The following KALRN variants were observed in gnomAD, a reference collection of about 807,000 sequenced individuals.
KALRN encodes kalirin.
KALRN carries 70 observed loss-of-function variants against 353.7 expected under a neutral mutation model. That is an observed-to-expected ratio of 0.20 (90% confidence interval 0.16 to 0.24). The LOEUF (loss-of-function observed/expected upper bound fraction) is 0.24, where lower values mean the gene tolerates loss of function less well. Among genes scored for constraint, KALRN ranks in the 10% least tolerant of loss-of-function variants. KALRN has a pLI of 1.00. For synonymous variants in KALRN, 1,391 were observed against 1,434.8 expected (o/e 0.97, Z 0.69); for missense variants, 2,791 against 3,756.7 (o/e 0.74, Z 6.72).
intron 33 of KALRN, among the ~76,000 whole-genome samples, chr3:124,546,290 C>CAAA (rs5852410): frequency 1.7e-5 from 2 of 114,672 alleles, no homozygotes; most frequent in African/African-American, 3.2e-5. Flanking sequence ...CCCCATCTCT[C>CAAA]AAAAAAAAAA....
chr3:124,414,526 G>C (rs188746282), intron 14 of KALRN, among the ~76,000 whole-genome samples: 5 of 152,290 alleles, frequency 3.3e-5, no homozygotes, highest in African/African-American at 7.2e-5. Context: ...AAACACGGCT[G>C]AGTTACTCAG....
At chr3:124,035,880 A>G (rs1262606595) in intron 1 of KALRN, among the ~76,000 whole-genome samples, 1 of 152,168 alleles carries the variant, frequency 6.6e-6, no homozygotes, top group Non-Finnish European at 1.5e-5. Flanking sequence ...GAGAAAGGTT[A>G]AGTCATTGGT....
chr3:124,595,861 G>A (rs1437255482), intron 34 of KALRN, among the ~76,000 whole-genome samples: 1 of 152,128 alleles, frequency 6.6e-6, no homozygotes, highest in Admixed American at 6.5e-5. Flanking sequence ...ATAAGCGAAT[G>A]CCTTTAATTC....
intron 40 of KALRN, 46 bp downstream of exon 40, chr3:124,657,597 G>T (rs374018144): frequency 6.7e-7 from 1 of 1,495,936 alleles, no homozygotes; most frequent in African/African-American, 1.4e-5. Context: ...TGGGAATCCA[G>T]GACTTGAGTC....
intron 9 of KALRN, among the ~76,000 whole-genome samples, chr3:124,339,806 A>C (rs1354688481): frequency 6.6e-6 from 1 of 152,188 alleles, no homozygotes; most frequent in East Asian, 1.9e-4. Flanking sequence ...ATAATTCTTT[A>C]GTTTACCTAA....
intron 3 of KALRN, among the ~76,000 whole-genome samples, chr3:124,250,290 C>G (rs897739102): frequency 1.3e-5 from 2 of 152,170 alleles, no homozygotes; most frequent in African/African-American, 4.8e-5. Flanking sequence ...GCCAGGAAAC[C>G]AGAGCCCAGC....
intron 10 of KALRN, among the ~76,000 whole-genome samples, chr3:124,359,740 T>A (rs2083810168): frequency 6.6e-6 from 1 of 152,224 alleles, no homozygotes; most frequent in Non-Finnish European, 1.5e-5. Flanking sequence ...GCTCCATAAA[T>A]GGCGGTCTCT....
At chr3:124,211,101 G>A (rs2076861712) in intron 1 of KALRN, among the ~76,000 whole-genome samples, 1 of 152,192 alleles carries the variant, frequency 6.6e-6, no homozygotes, top group Non-Finnish European at 1.5e-5. Context: ...GGTTTGTACA[G>A]CTGAGCCCAG....
intron 26 of KALRN, among the ~76,000 whole-genome samples, chr3:124,476,629 ATT>A (rs1322942571): frequency 6.6e-6 from 1 of 152,014 alleles, no homozygotes; most frequent in Non-Finnish European, 1.5e-5. Context: ...AGAGTCTTGA[ATT>A]TTCACCCAGC....
chr3:124,508,971 G>A (rs758095638), intron 33 of KALRN, among the ~76,000 whole-genome samples: 4 of 152,064 alleles, frequency 2.6e-5, no homozygotes, highest in Non-Finnish European at 5.9e-5. Flanking sequence ...AATGTCCCTG[G>A]TTCAAGCTTT....
chr3:124,562,913 T>A lies in KALRN; in HGVS notation c.5006T>A (p.Ile1669Asn). Residue 1669 changes from isoleucine to asparagine, a missense_variant, in exon 34 of 60, where the codon ATC (isoleucine) becomes AAC (asparagine). Coordinates refer to ENST00000682506, the MANE Select transcript of KALRN (RefSeq NM_001388419.1). ...GCGGGCCACAGCAGTGAGCTGACCA[T>A]CCAGGTGGGGCAGACGGTAGAGCTG... is the stretch of plus-strand genomic sequence containing the variant. Reference protein sequence around the residue: ...FSAGHSSELTIQVGQTVELLE... With the variant: ...FSAGHSSELTNQVGQTVELLE... 1 of 1,367,878 alleles carries A rather than the reference T, an allele frequency of 7.3e-7. No homozygotes were observed. The highest frequency in any genetic ancestry group is 9.8e-7 in the Non-Finnish European group (1 of 1,021,986). 84.7% of individuals were successfully genotyped at this position (1,367,878 alleles called of 1,614,324 possible). A position where few individuals can be genotyped will look rare whatever the true frequency, so the allele number is the denominator to read the frequency against.
At position 124,438,959 on chromosome 3, in the gene KALRN, G is replaced by A. The variant is rs2289837; in HGVS notation, c.3120G>A (p.Lys1040=). The A allele has an allele frequency of 0.014, 22,516 of 1,614,080 alleles. 305 individuals are homozygous for A. Among genetic ancestry groups the A allele is most frequent in the East Asian group, 0.082 (3,677 of 44,856 alleles). The change falls in exon 18 of 60, where the codon AAG becomes AAA. Residue 1040 remains lysine (K), a synonymous_variant. Transcript: ENST00000682506. ...RDEDWCGGRD[K]LGPAAEIDHV... ...AGGACTGGTGTGGTGGACGAGATAAGCTGGGGCCAGCAGCAGAGATCGACC... is the reference window on the plus strand; with the variant it reads ...AGGACTGGTGTGGTGGACGAGATAAACTGGGGCCAGCAGCAGAGATCGACC...
chr3:124,718,380 C>T (rs1357656122), intron 59 of KALRN, among the ~76,000 whole-genome samples: 1 of 152,152 alleles, frequency 6.6e-6, no homozygotes, highest in African/African-American at 2.4e-5. Context: ...CTTGGCCACC[C>T]AAAGTGCTGG....
chr3:124,133,305 A>G (rs1406395172), intron 1 of KALRN, among the ~76,000 whole-genome samples: 1 of 152,160 alleles, frequency 6.6e-6, no homozygotes, highest in East Asian at 1.9e-4. Context: ...ATTTTAGTTT[A>G]AAAAACAAAA....
At position 124,215,881 on chromosome 3, in the gene KALRN, G is replaced by C. The variant is rs74844911; in HGVS notation, c.74-12109G>C. On this transcript the variant is annotated intron_variant, in intron 1 of 59. Coordinates refer to ENST00000682506, the MANE Select transcript of KALRN (RefSeq NM_001388419.1). ...GAAACCTTATCCTGCCATTATCCAG[G>C]CTCCAGCAGATCTTGTTAAACATGT... 9.0e-4 allele frequency among the ~76,000 whole-genome samples: 137 copies of C among 152,272 alleles called. No homozygotes were observed. In the East Asian group the frequency reaches 0.015, roughly 17 times the overall value.
intron 23 of KALRN, 77 bp from the exon 24 acceptor site, chr3:124,461,813 G>C: frequency 2.0e-6 from 2 of 993,356 alleles, no homozygotes; most frequent in Non-Finnish European, 3.2e-6. Context: ...CATACATGCT[G>C]GGGTGGGGAA....
In KALRN at chr3:124,250,299, G is replaced by T. The variant is rs141883889; in HGVS notation, c.264-14199G>T. ...TGGCCTGCCAGGAAACCAGAGCCCA[G>T]CTGGAGAGTGTGTGGGGGTTCCTGT... On this transcript the variant is annotated intron_variant, in intron 3 of 59. Coordinates refer to ENST00000682506, the MANE Select transcript of KALRN (RefSeq NM_001388419.1). 5.9e-5 allele frequency among the ~76,000 whole-genome samples: 9 copies of T among 152,366 alleles called. No homozygotes were observed. The East Asian group carries it at 1.3e-3, about 23-fold the overall frequency.
intron 10 of KALRN, among the ~76,000 whole-genome samples, chr3:124,370,973 T>A (rs2085756133): frequency 6.6e-6 from 1 of 152,266 alleles, no homozygotes; most frequent in Non-Finnish European, 1.5e-5. Context: ...ATGAGTTAGC[T>A]ATTTATAAAC....
At chr3:124,141,104 C>A (rs1396903464) in intron 1 of KALRN, among the ~76,000 whole-genome samples, 2 of 152,168 alleles carry the variant, frequency 1.3e-5, no homozygotes, top group Non-Finnish European at 2.9e-5. Context: ...GTCTGTTTGT[C>A]CTTGAAATAC....
Sources: allele counts gnomAD v4.1 joint callset (sites outside exome capture counted in the v4.1 genomes callset), GRCh38; gene constraint gnomAD v4.1.1; transcripts MANE v1.5; gene names NCBI Gene and HGNC (gene_info 2026-07-23, HGNC 2026-07-21).